ABCB5: variants seen among roughly 807,000 people sequenced by gnomAD.
The protein encoded by ABCB5 is ATP binding cassette subfamily B member 5.
ABCB5 carries 155 observed loss-of-function variants against 144.2 expected under a neutral mutation model. The ratio of observed to expected loss-of-function variants is 1.08; its 90% confidence interval spans 0.94 to 1.23. The LOEUF (loss-of-function observed/expected upper bound fraction) is 1.23, where lower values mean the gene tolerates loss of function less well. Among genes scored for constraint, ABCB5 ranks in the 50% most tolerant of loss-of-function variants. ABCB5 has a pLI of 0.00. For missense variants in ABCB5, 1,830 were observed against 1,520.8 expected (o/e 1.20, Z -3.38); for synonymous variants, 610 against 528.6 (o/e 1.15, Z -2.11).
chr7:20,692,121 C>T (rs1283834052), intron 16 of ABCB5, among the ~76,000 whole-genome samples: 1 of 151,896 alleles, frequency 6.6e-6, no homozygotes, highest in Non-Finnish European at 1.5e-5. Context: ...ACTTAAAATC[C>T]ACAGATTCAA....
Position 20,623,137 on chromosome 7 carries a change from G to T in ABCB5, c.-21-128G>T, listed in dbSNP as rs188151134. On this transcript the variant is annotated intron_variant, in intron 1 of 27. Transcript: ENST00000404938. ...AAACTTCAATTGGAGTGGGGGGCTG[G>T]GCAGGGCGAAATTCTGAGATGCTTC... 2.0e-3 allele frequency: 1,253 copies of T among 624,444 alleles called. 34 individuals are homozygous for T. The Admixed American group carries it at 0.035, about 17-fold the overall frequency. 38.7% of individuals were successfully genotyped at this position (624,444 alleles called of 1,614,324 possible). A position where few individuals can be genotyped will look rare whatever the true frequency, so the allele number is the denominator to read the frequency against.
At chr7:20,697,579 C>T (rs1248760002) in intron 16 of ABCB5, among the ~76,000 whole-genome samples, 1 of 152,160 alleles carries the variant, frequency 6.6e-6, no homozygotes, top group African/African-American at 2.4e-5. Context: ...ACCACTACCT[C>T]CCCTTGTCAC....
chr7:20,619,164 A>G (rs1242353193), intron 1 of ABCB5, among the ~76,000 whole-genome samples: 1 of 152,158 alleles, frequency 6.6e-6, no homozygotes, highest in Non-Finnish European at 1.5e-5. Context: ...TGTCATAAAC[A>G]TAAGAGTGCA....
intron 24 of ABCB5, among the ~76,000 whole-genome samples, chr7:20,740,283 TTAAA>T (rs1425956492): frequency 6.6e-6 from 1 of 152,106 alleles, no homozygotes; most frequent in African/African-American, 2.4e-5. Flanking sequence ...GTCTTATACA[TTAAA>T]TATACATTCA....
At chr7:20,668,842 G>A (rs1583412356) in intron 14 of ABCB5, among the ~76,000 whole-genome samples, 6 of 133,494 alleles carry the variant, frequency 4.5e-5, no homozygotes, top group Admixed American at 1.4e-4. Context: ...CCGTCCGGGA[G>A]GGAGGTGGGG....
Position 20,743,029 on chromosome 7 carries a change from T to G in ABCB5, c.3177T>G (p.Ser1059=). The G allele has an allele frequency of 6.2e-7, 1 of 1,614,158 alleles. No homozygotes were observed. ...VGSSGCGKST[S]VQLLQRLYDP... is the part of the protein sequence containing the mutation. ...GCAGCGGCTGTGGGAAAAGCACTTC[T>G]GTTCAACTTCTGCAGAGACTTTATG... Residue 1059 remains serine (S), a synonymous_variant, in exon 25 of 28, where the codon TCT becomes TCG. Transcript: ENST00000404938.
chr7:20,704,656 A>G (rs1786757083), intron 19 of ABCB5, 68 bp from the exon 20 acceptor site: 2 of 1,270,832 alleles, frequency 1.6e-6, no homozygotes, highest in Non-Finnish European at 2.3e-6. Flanking sequence ...GATTTACAGC[A>G]GAAAAATCAC....
At chr7:20,688,290 A>C (rs1185216469) in intron 16 of ABCB5, among the ~76,000 whole-genome samples, 3 of 152,232 alleles carry the variant, frequency 2.0e-5, no homozygotes, top group Non-Finnish European at 4.4e-5. Flanking sequence ...AACAGAGTTA[A>C]TGGGAGTTCT....
chr7:20,676,058 A>G (rs6979967), intron 14 of ABCB5, among the ~76,000 whole-genome samples: 5,753 of 152,064 alleles, frequency 0.038, 282 homozygotes, highest in African/African-American at 0.11. Flanking sequence ...GAACCCTTGT[A>G]TATGACTGAT....
intron 21 of ABCB5, among the ~76,000 whole-genome samples, chr7:20,725,932 T>G (rs932184389): frequency 2.6e-5 from 4 of 152,196 alleles, no homozygotes; most frequent in African/African-American, 4.8e-5. Context: ...TCCAGAAATC[T>G]AGTTCCCTCC....
chr7:20,734,004 T>C (rs932583970), intron 23 of ABCB5, among the ~76,000 whole-genome samples: 6 of 152,186 alleles, frequency 3.9e-5, no homozygotes, highest in African/African-American at 1.4e-4. Flanking sequence ...TTTTGGAGTA[T>C]GGACAAAAGA....
At chr7:20,748,734 A>G (rs1049080936) in intron 26 of ABCB5, among the ~76,000 whole-genome samples, 8 of 151,554 alleles carry the variant, frequency 5.3e-5, no homozygotes, top group African/African-American at 1.9e-4. Flanking sequence ...CTCCAAATAC[A>G]TGGCCACAGT....
chr7:20,720,916 C>G (rs1781843779), intron 20 of ABCB5, among the ~76,000 whole-genome samples: 1 of 132,084 alleles, frequency 7.6e-6, no homozygotes, highest in Admixed American at 8.9e-5. Flanking sequence ...TGCACTCCAG[C>G]CTGGGCGACA....
chr7:20,658,919 C>A, intron 14 of ABCB5: 1 of 962,908 alleles, frequency 1.0e-6, no homozygotes, highest in Non-Finnish European at 1.6e-6. Context: ...AGCAATCATC[C>A]AGTCTATACC....
chr7:20,746,739 T>C (rs971039138), intron 26 of ABCB5, among the ~76,000 whole-genome samples: 3 of 152,216 alleles, frequency 2.0e-5, no homozygotes, highest in African/African-American at 7.2e-5. Context: ...GGGATAATTG[T>C]AACTTTAAGT....
At chr7:20,643,995 C>T (rs542886328) in intron 7 of ABCB5, among the ~76,000 whole-genome samples, 16 of 152,104 alleles carry the variant, frequency 1.1e-4, no homozygotes, top group South Asian at 6.2e-4. Flanking sequence ...CAACATGGTA[C>T]GATTCATTTC....
At chr7:20,722,686 G>T (rs959266717) in intron 20 of ABCB5, among the ~76,000 whole-genome samples, 2 of 152,126 alleles carry the variant, frequency 1.3e-5, no homozygotes, top group African/African-American at 4.8e-5. Flanking sequence ...GCTGGGCTTG[G>T]TGGCGGTTGC....
intron 20 of ABCB5, 98 bp from the exon 21 acceptor site, chr7:20,722,918 T>C (rs1781918828): frequency 1.0e-6 from 1 of 1,004,116 alleles, no homozygotes; most frequent in East Asian, 2.5e-5. Flanking sequence ...AAATTCTTTT[T>C]TTAAAAAGTC....
chr7:20,645,855 A>C lies in ABCB5; in HGVS notation c.778A>C (p.Arg260=). The change falls in exon 8 of 28, where the codon AGG becomes CGG. Residue 260 remains arginine (R), a synonymous_variant. Transcript: ENST00000404938. ...LSSIRTVIAF[R]AQEKELQRYT... Reference sequence around the variant, plus strand: ...ATCAATCCGAACAGTCATAGCCTTTAGGGCCCAGGAGAAAGAACTTCAAAG... The same window carrying C: ...ATCAATCCGAACAGTCATAGCCTTTCGGGCCCAGGAGAAAGAACTTCAAAG... 3 of 1,613,754 alleles carry C rather than the reference A, an allele frequency of 1.9e-6. No individual in the cohort carries two copies. The South Asian group carries it at 3.3e-5, about 18-fold the overall frequency.
Sources: gnomAD v4.1 joint callset for allele counts (sites outside exome capture counted in the v4.1 genomes callset) on GRCh38, gnomAD v4.1.1 for gene constraint, MANE v1.5 for transcripts, NCBI Gene and HGNC (gene_info 2026-07-23, HGNC 2026-07-21) for gene names.